Variants in AGPS observed in about 807,000 individuals in gnomAD.
AGPS encodes alkyldihydroxyacetonephosphate synthase, peroxisomal.
In AGPS, 26 loss-of-function variants were observed where a neutral mutation model predicts 90.7. The ratio of observed to expected loss-of-function variants is 0.29; its 90% CI spans 0.21 to 0.40. AGPS has a LOEUF of 0.40. AGPS is among the 10% of genes least tolerant of loss of function. The pLI, the probability that AGPS is intolerant of heterozygous loss-of-function variation, is 1.00. For synonymous variants in AGPS, 294 were observed against 285.3 expected (o/e 1.03, Z -0.31); for missense variants, 540 against 816.1 (o/e 0.66, Z 4.12).
At chr2:177,468,910 A>C (rs1687533054) in intron 10 of AGPS, among the ~76,000 whole-genome samples, 2 of 152,050 alleles carry the variant, frequency 1.3e-5, no homozygotes, top group African/African-American at 2.4e-5. Context: ...GTCTTTCTGT[A>C]ATTATGTATT....
intron 2 of AGPS, among the ~76,000 whole-genome samples, chr2:177,429,543 TTTTTC>T (rs1574360143): frequency 2.0e-5 from 3 of 152,332 alleles, no homozygotes; most frequent in South Asian, 4.1e-4. Flanking sequence ...TGTTTGTTTG[TTTTTC>T]TTTTAACAGG....
chr2:177,421,573 A>T (rs999313566), intron 2 of AGPS, among the ~76,000 whole-genome samples: 4 of 152,092 alleles, frequency 2.6e-5, no homozygotes, highest in Non-Finnish European at 4.4e-5. Flanking sequence ...AATAAATATT[A>T]TCTGTGTTCT....
chr2:177,514,046 C>T (rs1262400556), intron 17 of AGPS, 138 bp downstream of exon 17: 1 of 680,966 alleles, frequency 1.5e-6, no homozygotes, highest in Non-Finnish European at 2.6e-6. Flanking sequence ...CTTCACTTAC[C>T]ACCTTGTTAG....
chr2:177,446,827 A>G (rs1307599252), intron 8 of AGPS, among the ~76,000 whole-genome samples: 1 of 152,164 alleles, frequency 6.6e-6, no homozygotes, highest in East Asian at 1.9e-4. Context: ...CTGGGTGAAT[A>G]TTGGTATTCA....
chr2:177,481,375 T>TTTTTG (rs757020676), intron 10 of AGPS, among the ~76,000 whole-genome samples: 2 of 151,932 alleles, frequency 1.3e-5, no homozygotes, highest in African/African-American at 4.8e-5. Context: ...CTTTTTTTAC[T>TTTTTG]TTTTGTTTTG....
At chr2:177,482,932 C>T (rs1687988010) in intron 11 of AGPS, among the ~76,000 whole-genome samples, 1 of 150,134 alleles carries the variant, frequency 6.7e-6, no homozygotes, top group Middle Eastern at 3.4e-3. Flanking sequence ...TTCAACTTTT[C>T]CCAGCAGGGA....
chr2:177,536,084 A>C (rs989431211), intron 19 of AGPS, among the ~76,000 whole-genome samples: 1 of 152,148 alleles, frequency 6.6e-6, no homozygotes, highest in Non-Finnish European at 1.5e-5. Flanking sequence ...TTAAATATGC[A>C]ATGGCTGTTG....
At chr2:177,431,535 G>A (rs1452168102) in intron 2 of AGPS, among the ~76,000 whole-genome samples, 2 of 152,120 alleles carry the variant, frequency 1.3e-5, no homozygotes, top group African/African-American at 4.8e-5. Flanking sequence ...CGTAATTTCA[G>A]TCCTTATCTC....
chr2:177,530,922 A>C (rs1055623067), intron 19 of AGPS, among the ~76,000 whole-genome samples: 1 of 152,176 alleles, frequency 6.6e-6, no homozygotes, highest in Non-Finnish European at 1.5e-5. Flanking sequence ...TTAAGTTTTT[A>C]AGTTGTTCAT....
At chr2:177,438,467 T>G (rs535941532) in intron 5 of AGPS, among the ~76,000 whole-genome samples, 29 of 152,282 alleles carry the variant, frequency 1.9e-4, no homozygotes, top group Non-Finnish European at 3.7e-4. Context: ...TCTCAAAAAC[T>G]CAGATGTAGT....
In AGPS at chr2:177,462,033, A is replaced by G. The variant is rs1198810591; in HGVS notation, c.996+15A>G. 6.3e-7 allele frequency: 1 copy of G among 1,587,280 alleles called. No individual in the cohort carries two copies. Among genetic ancestry groups the G allele is most frequent in the Admixed American group, 1.7e-5 (1 of 59,594 alleles). On this transcript the variant is annotated intron_variant, in intron 9 of 19. Coordinates refer to ENST00000264167, the MANE Select transcript of AGPS (RefSeq NM_003659.4). ...TCGAGGACCTGGTAAATATTTTTCT[A>G]GTTATTATGTAATAATTGATTAGTA... is the stretch of plus-strand genomic sequence containing the variant.
chr2:177,470,849 G>A (rs1247709670), intron 10 of AGPS, among the ~76,000 whole-genome samples: 2 of 151,900 alleles, frequency 1.3e-5, no homozygotes. Context: ...GTCTTTATCA[G>A]ATCTGGATTT....
In AGPS at chr2:177,491,768, C is replaced by T. The variant is rs112020304; in HGVS notation, c.1234-1380C>T. Among the ~76,000 whole-genome samples, 20 of 119,294 alleles carry T rather than the reference C, an allele frequency of 1.7e-4. 3 individuals carry two copies. The highest frequency in any genetic ancestry group is 6.6e-4 in the African/African-American group (20 of 30,432). The allele number at this position is 119,294 out of a possible 152,430, so 78.3% of individuals were successfully genotyped here. A position where few individuals can be genotyped will look rare whatever the true frequency, so the allele number is the denominator to read the frequency against. On this transcript the variant is annotated intron_variant, in intron 11 of 19. Coordinates refer to ENST00000264167, the MANE Select transcript of AGPS (RefSeq NM_003659.4). ...ATGTAATATACTTTCCTTCCCCCCCCCCCCCTTTTTTTTCATTTTGTTTTG... is the reference window on the plus strand; with the variant it reads ...ATGTAATATACTTTCCTTCCCCCCCTCCCCCTTTTTTTTCATTTTGTTTTG...
At chr2:177,434,997 G>GGTTATATATATA (rs36151985) in intron 3 of AGPS, among the ~76,000 whole-genome samples, 1 of 128,160 alleles carries the variant, frequency 7.8e-6, no homozygotes, top group Non-Finnish European at 1.6e-5. Flanking sequence ...TAAACTGTAG[G>GGTTATATATATA]TATATATATA....
intron 1 of AGPS, among the ~76,000 whole-genome samples, chr2:177,409,585 C>T (rs948476955): frequency 2.0e-5 from 3 of 152,088 alleles, no homozygotes; most frequent in African/African-American, 7.2e-5. Context: ...TCTCGGCTCT[C>T]AACAGGAAAA....
At chr2:177,524,415 C>CT (rs2079062055) in intron 19 of AGPS, among the ~76,000 whole-genome samples, 2 of 152,050 alleles carry the variant, frequency 1.3e-5, no homozygotes, top group African/African-American at 2.4e-5. Flanking sequence ...ATGAGGCAAC[C>CT]CTTTAAAACT....
intron 2 of AGPS, among the ~76,000 whole-genome samples, chr2:177,429,291 C>T (rs915470039): frequency 2.6e-5 from 4 of 152,154 alleles, no homozygotes; most frequent in Admixed American, 1.3e-4. Flanking sequence ...TATTACCCAC[C>T]ATCTGAAGCC....
At chr2:177,513,672 GC>G in intron 16 of AGPS, 146 bp from the exon 17 acceptor site, 1 of 650,390 alleles carries the variant, frequency 1.5e-6, no homozygotes, top group South Asian at 1.9e-5. Context: ...AGTGATCAGG[GC>G]TCTTTTCCAT....
At chr2:177,398,766 G>A (rs967795904) in intron 1 of AGPS, among the ~76,000 whole-genome samples, 4 of 152,168 alleles carry the variant, frequency 2.6e-5, no homozygotes, top group African/African-American at 9.7e-5. Flanking sequence ...AATGTAATGG[G>A]TGGTTTAAAA....
Sources: allele counts gnomAD v4.1 joint callset (sites outside exome capture counted in the v4.1 genomes callset), GRCh38; gene constraint gnomAD v4.1.1; transcripts MANE v1.5; gene names NCBI Gene and HGNC (gene_info 2026-07-23, HGNC 2026-07-21).